MYO6: variants seen among roughly 807,000 people sequenced by gnomAD.
MYO6 encodes the protein unconventional myosin-VI.
In MYO6, 74 loss-of-function variants were observed where a neutral mutation model predicts 178.7. That is an observed-to-expected ratio of 0.41 (90% CI 0.34 to 0.50). MYO6 has a LOEUF of 0.50. Among genes scored for constraint, MYO6 ranks in the 20% least tolerant of loss-of-function variants. The probability of loss-of-function intolerance (pLI) is 0.09; values close to 1 mark genes in which losing one functional copy is unlikely to be tolerated. For synonymous variants in MYO6, 477 were observed against 504.6 expected (o/e 0.95, Z 0.73); for missense variants, 1,330 against 1,547.4 (o/e 0.86, Z 2.36).
chr6:75,900,044 G>A (rs1779624626), intron 30 of MYO6, among the ~76,000 whole-genome samples: 1 of 151,696 alleles, frequency 6.6e-6, no homozygotes, highest in Non-Finnish European at 1.5e-5. Flanking sequence ...TGTCATCCAT[G>A]TCCCTGCAAA....
chr6:75,865,716 G>T (rs1776609684), intron 16 of MYO6, among the ~76,000 whole-genome samples: 2 of 140,178 alleles, frequency 1.4e-5, no homozygotes, highest in Non-Finnish European at 3.3e-5. Flanking sequence ...ATGTGATCTT[G>T]TAAGTGAAAA....
intron 7 of MYO6, among the ~76,000 whole-genome samples, chr6:75,839,440 G>A (rs964407332): frequency 2.2e-4 from 34 of 152,002 alleles, no homozygotes; most frequent in African/African-American, 8.0e-4. Context: ...CGCCTGCCTC[G>A]GCCTCCCAGA....
chr6:75,750,200 A>T (rs1041030800), intron 1 of MYO6, among the ~76,000 whole-genome samples: 1 of 151,392 alleles, frequency 6.6e-6, no homozygotes, highest in Non-Finnish European at 1.5e-5. Context: ...GGTTCAAGCA[A>T]TTCTCTGCCA....
chr6:75,752,246 C>T (rs772377064), intron 1 of MYO6, among the ~76,000 whole-genome samples: 9 of 152,106 alleles, frequency 5.9e-5, no homozygotes, highest in Admixed American at 3.3e-4. Flanking sequence ...CCTGCCTTGG[C>T]CTCCCAAAGT....
chr6:75,804,920 A>G (rs977155735), intron 1 of MYO6, among the ~76,000 whole-genome samples: 3 of 148,018 alleles, frequency 2.0e-5, no homozygotes, highest in Non-Finnish European at 4.5e-5. Context: ...ACACATATAT[A>G]ATATATACAC....
At chr6:75,845,021 A>G (rs766607714) in intron 10 of MYO6, 44 bp downstream of exon 10, 49 of 1,461,192 alleles carry the variant, frequency 3.4e-5, no homozygotes, top group Non-Finnish European at 4.6e-5. Flanking sequence ...TTAAAAAAAA[A>G]CTCATGCTGA....
chr6:75,794,363 A>T (rs1029889196), intron 1 of MYO6, among the ~76,000 whole-genome samples: 1 of 152,220 alleles, frequency 6.6e-6, no homozygotes, highest in African/African-American at 2.4e-5. Flanking sequence ...GAGCCATATT[A>T]TCATGGAAGT....
chr6:75,850,953 GT>G (rs897952702), intron 11 of MYO6, among the ~76,000 whole-genome samples: 2 of 149,794 alleles, frequency 1.3e-5, no homozygotes, highest in African/African-American at 4.9e-5. Context: ...AAAATTTTTT[GT>G]TTTTTTTTGA....
intron 11 of MYO6, among the ~76,000 whole-genome samples, chr6:75,851,899 T>C (rs926079540): frequency 1.3e-5 from 2 of 152,176 alleles, no homozygotes; most frequent in African/African-American, 2.4e-5. Context: ...TAAGCACTTA[T>C]AGGACTCTTA....
intron 1 of MYO6, among the ~76,000 whole-genome samples, chr6:75,760,102 T>C (rs1425115028): frequency 6.6e-6 from 1 of 152,242 alleles, no homozygotes; most frequent in East Asian, 1.9e-4. Flanking sequence ...ATAGTGTTGA[T>C]ATGGTAATAG....
intron 3 of MYO6, among the ~76,000 whole-genome samples, chr6:75,824,812 T>A (rs1389713696): frequency 6.6e-6 from 1 of 150,606 alleles, no homozygotes; most frequent in Non-Finnish European, 1.5e-5. Context: ...CAGACTGGAG[T>A]GCAGTGGTGT....
At chr6:75,892,901 CAAAT>C (rs1020945899) in intron 28 of MYO6, among the ~76,000 whole-genome samples, 1 of 151,996 alleles carries the variant, frequency 6.6e-6, no homozygotes, top group Non-Finnish European at 1.5e-5. Context: ...AAATTGTTGA[CAAAT>C]AAGACTAAAA....
intron 29 of MYO6, 27 bp from the exon 30 acceptor site, chr6:75,898,346 C>T (rs774681147): frequency 6.5e-7 from 1 of 1,531,922 alleles, no homozygotes; most frequent in Non-Finnish European, 9.0e-7. Flanking sequence ...TTTATGTAAC[C>T]ATATTGTATT....
chr6:75,890,104 G>A lies in MYO6; in HGVS notation c.2706G>A (p.Leu902=). Residue 902 remains leucine, a synonymous_variant, in exon 26 of 35, where the codon CTG becomes CTA. Transcript: ENST00000369977. ...QEQIQKEYDA[L]VKSSEELLSA... ...AAATCCAGAAAGAATATGATGCACTGGTTAAAAGCTCAGAGGAACTCCTCA... is the reference window on the plus strand; with the variant it reads ...AAATCCAGAAAGAATATGATGCACTAGTTAAAAGCTCAGAGGAACTCCTCA... 3 of 1,613,818 alleles carry A rather than the reference G, an allele frequency of 1.9e-6. No homozygotes were observed. Among genetic ancestry groups the A allele is most frequent in the Non-Finnish European group, 1.7e-6 (2 of 1,179,956 alleles).
intron 1 of MYO6, among the ~76,000 whole-genome samples, chr6:75,758,751 C>T (rs1777695882): frequency 6.6e-6 from 1 of 152,138 alleles, no homozygotes; most frequent in African/African-American, 2.4e-5. Context: ...AGCCACCGCG[C>T]CTGGCCTGTT....
At chr6:75,880,990 G>A (rs1160397864) in intron 22 of MYO6, among the ~76,000 whole-genome samples, 1 of 152,178 alleles carries the variant, frequency 6.6e-6, no homozygotes, top group Non-Finnish European at 1.5e-5. Flanking sequence ...TGTGGCTCAC[G>A]CCTATAATCC....
intron 31 of MYO6, 48 bp downstream of exon 31, chr6:75,907,756 G>A: frequency 2.1e-6 from 3 of 1,424,694 alleles, no homozygotes; most frequent in Non-Finnish European, 3.0e-6. Context: ...ATAGTGATAG[G>A]TGATAAATAC....
Position 75,914,059 on chromosome 6 carries a change from A to G in MYO6, c.3440-4A>G, listed in dbSNP as rs1354285631. 6.2e-7 allele frequency: 1 copy of G among 1,613,724 alleles called. No homozygotes were observed. The highest frequency in any genetic ancestry group is 8.5e-7 in the Non-Finnish European group (1 of 1,179,954). ...GGTATAACTTTCCTTGTTCTGTGTA[A>G]TAGCTCAGCAAAACCCAGCAGCTCA... On this transcript the variant is annotated splice_polypyrimidine_tract_variant and splice_region_variant and intron_variant, in intron 33 of 34. Coordinates refer to ENST00000369977, the MANE Select transcript of MYO6 (RefSeq NM_004999.4).
chr6:75,750,233 T>C (rs1776745763), intron 1 of MYO6, among the ~76,000 whole-genome samples: 1 of 152,014 alleles, frequency 6.6e-6, no homozygotes, highest in South Asian at 2.1e-4. Context: ...TAGCTGGGAT[T>C]ACAAGCGCCC....
Sources: allele counts gnomAD v4.1 joint callset (sites outside exome capture counted in the v4.1 genomes callset), GRCh38; gene constraint gnomAD v4.1.1; transcripts MANE v1.5; gene names NCBI Gene and HGNC (gene_info 2026-07-23, HGNC 2026-07-21).